Variants in GOLIM4 observed in about 807,000 individuals in gnomAD.
The protein encoded by GOLIM4 is golgi integral membrane protein 4, also known as 130 kDa golgi-localized phosphoprotein.
In GOLIM4, 71 loss-of-function variants were observed where a neutral mutation model predicts 107.4. That is an observed-to-expected ratio of 0.66 (90% CI 0.55 to 0.81). The LOEUF (loss-of-function observed/expected upper bound fraction) is 0.81. GOLIM4 is among the 30% of genes least tolerant of loss of function. The pLI is 0.00. For synonymous variants in GOLIM4, 327 were observed against 294.8 expected, an observed-to-expected ratio of 1.11 and a Z score of -1.12; for missense variants, 830 against 826.1, an observed-to-expected ratio of 1.00 and a Z score of -0.06.
At chr3:168,059,946 T>A (rs1009331942) in intron 1 of GOLIM4, among the ~76,000 whole-genome samples, 1 of 152,102 alleles carries the variant, frequency 6.6e-6, no homozygotes. Flanking sequence ...CACACTGGGA[T>A]GTCCTCAGAG....
Position 168,029,996 on chromosome 3 carries a change from G to A in GOLIM4, c.1217C>T (p.Pro406Leu). The change falls in exon 10 of 16, where the codon CCC becomes CTC. Residue 406 changes from proline (P) to leucine (L), a missense_variant. Transcript: ENST00000470487. ...SAKPMIKFQS[P>L]YEEQLEQQRL... ...CTGCTGTTCCAACTGTTCCTCATAG[G>A]GTGATTGGAATTTGATCATTGGCTT... 6.2e-7 allele frequency: 1 copy of A among 1,614,126 alleles called. No individual in the cohort carries two copies. Among genetic ancestry groups the A allele is most frequent in the South Asian group, 1.1e-5 (1 of 91,072 alleles).
intron 1 of GOLIM4, among the ~76,000 whole-genome samples, chr3:168,061,003 C>G (rs909601170): frequency 1.3e-5 from 2 of 152,096 alleles, no homozygotes; most frequent in Non-Finnish European, 2.9e-5. Context: ...ATTAGCAGGT[C>G]ATCGCAGCAA....
At chr3:168,042,061 C>A (rs575830279) in intron 5 of GOLIM4, among the ~76,000 whole-genome samples, 2 of 152,198 alleles carry the variant, frequency 1.3e-5, no homozygotes, top group East Asian at 3.9e-4. Context: ...AAGGACACAA[C>A]ACCCAGCTTC....
chr3:168,044,192 C>G (rs781480164), intron 4 of GOLIM4, among the ~76,000 whole-genome samples: 1 of 152,112 alleles, frequency 6.6e-6, no homozygotes, highest in Non-Finnish European at 1.5e-5. Flanking sequence ...GCATGCCCTA[C>G]TGATATCAGA....
intron 14 of GOLIM4, among the ~76,000 whole-genome samples, chr3:168,011,473 G>A (rs949940604): frequency 9.2e-5 from 14 of 151,860 alleles, no homozygotes; most frequent in African/African-American, 3.4e-4. Flanking sequence ...GGGGAGGGGC[G>A]CCCGCCATTG....
intron 14 of GOLIM4, among the ~76,000 whole-genome samples, chr3:168,018,295 T>C (rs566725987): frequency 1.3e-5 from 2 of 152,316 alleles, no homozygotes; most frequent in African/African-American, 2.4e-5. Flanking sequence ...AATTACGTGC[T>C]GCCTGAAGGT....
intron 9 of GOLIM4, 39 bp downstream of exon 9, chr3:168,032,481 C>T: frequency 6.9e-7 from 1 of 1,445,746 alleles, no homozygotes; most frequent in Non-Finnish European, 9.7e-7. Context: ...CCAGGTTTTC[C>T]ATCCCAGTAC....
At chr3:168,090,261 A>G (rs1721841890) in intron 1 of GOLIM4, among the ~76,000 whole-genome samples, 1 of 152,182 alleles carries the variant, frequency 6.6e-6, no homozygotes, top group Non-Finnish European at 1.5e-5. Flanking sequence ...AGGAAAAAAT[A>G]TCTGCAAAGT....
chr3:168,041,376 T>G lies in GOLIM4; in HGVS notation c.600+16A>C. 2 of 1,469,722 alleles carry G rather than the reference T, an allele frequency of 1.4e-6. No homozygotes were observed. The highest frequency in any genetic ancestry group is 1.9e-6 in the Non-Finnish European group (2 of 1,050,436). The allele number at this position is 1,469,722 out of a possible 1,614,324, so 91.0% of individuals were successfully genotyped here. On this transcript the variant is annotated intron_variant, in intron 6 of 15. Coordinates refer to ENST00000470487, the MANE Select transcript of GOLIM4 (RefSeq NM_014498.5). ...CAGGCAAACACTAAATAGTGAAACG[T>G]TTGGTTTTCTTTTACCTTGACATCT...
At chr3:168,039,217 A>T (rs960766426) in intron 7 of GOLIM4, among the ~76,000 whole-genome samples, 3 of 151,992 alleles carry the variant, frequency 2.0e-5, no homozygotes, top group Non-Finnish European at 4.4e-5. Flanking sequence ...GCCAAAAAAG[A>T]TATTTCAATA....
In GOLIM4 at chr3:168,027,864, G is replaced by A. The variant is rs756114882; in HGVS notation, c.1514-27C>T. 8.6e-6 allele frequency: 12 copies of A among 1,403,380 alleles called. No individual in the cohort carries two copies. In the South Asian group the frequency reaches 1.4e-4, roughly 16 times the overall value. The allele number at this position is 1,403,380 out of a possible 1,614,324, so 86.9% of individuals were successfully genotyped here. A position where few individuals can be genotyped will look rare whatever the true frequency, so the allele number is the denominator to read the frequency against. ...TAGCAAATCAAAGGAACTAAAATCA[G>A]CCCAAAATGAATCAAACAGGATTTC... is the stretch of plus-strand genomic sequence containing the variant. On this transcript the variant is annotated intron_variant, in intron 11 of 15. Coordinates refer to ENST00000470487, the MANE Select transcript of GOLIM4 (RefSeq NM_014498.5).
intron 1 of GOLIM4, among the ~76,000 whole-genome samples, chr3:168,059,660 T>C (rs1481554965): frequency 6.6e-6 from 1 of 152,170 alleles, no homozygotes; most frequent in Non-Finnish European, 1.5e-5. Flanking sequence ...ATATAGATGA[T>C]AAATAATAAA....
intron 4 of GOLIM4, among the ~76,000 whole-genome samples, chr3:168,044,210 A>G (rs1185963390): frequency 6.6e-6 from 1 of 152,190 alleles, no homozygotes; most frequent in Non-Finnish European, 1.5e-5. Flanking sequence ...AGAGGGAAAG[A>G]CAATAGCAAA....
chr3:168,019,688 G>A (rs1717576277), intron 14 of GOLIM4, among the ~76,000 whole-genome samples: 1 of 152,130 alleles, frequency 6.6e-6, no homozygotes. Context: ...ATGGAAGTTA[G>A]CATAAAAGTT....
chr3:168,035,943 A>G (rs540593635), intron 8 of GOLIM4, among the ~76,000 whole-genome samples: 1 of 152,286 alleles, frequency 6.6e-6, no homozygotes, highest in African/African-American at 2.4e-5. Context: ...TAATTTTTAT[A>G]AAGAACAAGA....
At chr3:168,038,631 G>A (rs920652504) in intron 7 of GOLIM4, among the ~76,000 whole-genome samples, 5 of 152,242 alleles carry the variant, frequency 3.3e-5, no homozygotes, top group African/African-American at 1.2e-4. Context: ...AGGTTGTGAG[G>A]ATTAAATAAA....
rs1488440647 is a variant in GOLIM4 at position 168,028,090 on chromosome 3, TC to T, written c.1514-254del. ...TATTTTTCACAGGAGCTGTAATTTT[TC>T]CCCCATATGCAAGAAAACAACAACA... is the stretch of plus-strand genomic sequence containing the variant. On this transcript the variant is annotated intron_variant, in intron 11 of 15. Transcript: ENST00000470487. Among the ~76,000 whole-genome samples the T allele has an allele frequency of 2.0e-5, 3 of 152,118 alleles. No homozygotes were observed. The East Asian group carries it at 5.8e-4, about 29-fold the overall frequency.
At chr3:168,038,375 T>G (rs1473700173) in intron 7 of GOLIM4, among the ~76,000 whole-genome samples, 1 of 152,192 alleles carries the variant, frequency 6.6e-6, no homozygotes, top group Non-Finnish European at 1.5e-5. Flanking sequence ...AGGGACCATA[T>G]TAAAAATGTA....
Position 168,044,843 on chromosome 3 carries a change from T to A in GOLIM4, c.351A>T (p.Gln117His), listed in dbSNP as rs766316406. 6.4e-7 allele frequency: 1 copy of A among 1,561,620 alleles called. No homozygotes were observed. The highest frequency in any genetic ancestry group is 1.9e-5 in the Admixed American group (1 of 51,682). Reference protein sequence around the residue: ...SNSRYSALNVQHQMLKSQHEE... With the variant: ...SNSRYSALNVHHQMLKSQHEE... ...GATTACTCACTTTCAACATCTGATG[T>A]TGGACATTCAGTGCACTGTATCTGC... Residue 117 changes from glutamine (Q) to histidine (H), a missense_variant, in exon 4 of 16, where the codon CAA (glutamine) becomes CAT (histidine). Gln to His is a conservative substitution (Grantham distance 24). Coordinates refer to ENST00000470487, the MANE Select transcript of GOLIM4 (RefSeq NM_014498.5).
Sources: gnomAD v4.1 joint callset for allele counts (sites outside exome capture counted in the v4.1 genomes callset) on GRCh38, gnomAD v4.1.1 for gene constraint, MANE v1.5 for transcripts, NCBI Gene and HGNC (gene_info 2026-07-23, HGNC 2026-07-21) for gene names.